PLPP4: variants seen among roughly 807,000 people sequenced by gnomAD.
PLPP4 encodes phospholipid phosphatase 4.
PLPP4 carries 20 observed loss-of-function variants against 32.2 expected under a neutral mutation model. The ratio of observed to expected loss-of-function variants is 0.62; its 90% CI spans 0.44 to 0.90. The LOEUF is 0.90. Among genes scored for constraint, PLPP4 ranks in the 40% least tolerant of loss-of-function variants. The probability of loss-of-function intolerance (pLI) is 0.00; values close to 1 mark genes in which losing one functional copy is unlikely to be tolerated. For missense variants in PLPP4, 257 were observed against 353.1 expected (o/e 0.73, Z 2.18); for synonymous variants, 127 against 133.0 (o/e 0.95, Z 0.31).
At chr10:120,491,599 TA>T (rs1221767783) in intron 1 of PLPP4, among the ~76,000 whole-genome samples, 1 of 152,244 alleles carries the variant, frequency 6.6e-6, no homozygotes, top group African/African-American at 2.4e-5. Context: ...CTTTAGTTGG[TA>T]AAACACCTAA....
At chr10:120,482,057 C>T (rs1006798716) in intron 1 of PLPP4, among the ~76,000 whole-genome samples, 17 of 152,296 alleles carry the variant, frequency 1.1e-4, no homozygotes, top group Admixed American at 5.9e-4. Context: ...GCCCATACAA[C>T]TTCTTTCTTT....
chr10:120,545,117 T>C lies in PLPP4; in HGVS notation c.445+24022T>C, dbSNP rs188959143. 1.4e-4 allele frequency among the ~76,000 whole-genome samples: 21 copies of C among 152,344 alleles called. No individual in the cohort carries two copies. In the East Asian group the frequency reaches 4.1e-3, roughly 29 times the overall value. On this transcript the variant is annotated intron_variant, in intron 5 of 6. Coordinates refer to ENST00000398250, the MANE Select transcript of PLPP4 (RefSeq NM_001030059.3). Reference sequence around the variant, plus strand: ...ATCTTTATAGGGCTGCCAGTTTGCCTGCATGGCACTGTGGCAGACACAAGG... The same window carrying C: ...ATCTTTATAGGGCTGCCAGTTTGCCCGCATGGCACTGTGGCAGACACAAGG...
chr10:120,561,559 T>C (rs1177052904), intron 5 of PLPP4, among the ~76,000 whole-genome samples: 1 of 152,208 alleles, frequency 6.6e-6, no homozygotes, highest in East Asian at 1.9e-4. Context: ...AATTTTATAA[T>C]AAGGTTTAAA....
chr10:120,474,812 A>G (rs1843822320), intron 1 of PLPP4, among the ~76,000 whole-genome samples: 1 of 152,234 alleles, frequency 6.6e-6, no homozygotes, highest in Non-Finnish European at 1.5e-5. Context: ...AGGCAGAGGC[A>G]TAGTTAAGGC....
rs537293809 is a variant in PLPP4 at position 120,479,606 on chromosome 10, G to A, written c.56+22245G>A. ...TGCCTGTCGGGATCATTGCTGTCCT[G>A]CACTGCCTTCCCACCATTCCCCAGG... On this transcript the variant is annotated intron_variant, in intron 1 of 6. Transcript: ENST00000398250. 5.1e-4 allele frequency among the ~76,000 whole-genome samples: 78 copies of A among 152,318 alleles called. 1 individual carries two copies. Among genetic ancestry groups the A allele is most frequent in the Non-Finnish European group, 9.6e-4 (65 of 68,042 alleles).
intron 1 of PLPP4, among the ~76,000 whole-genome samples, chr10:120,498,428 A>G (rs1348945846): frequency 1.3e-5 from 2 of 152,194 alleles, no homozygotes; most frequent in Non-Finnish European, 2.9e-5. Flanking sequence ...TTTCCTTTGA[A>G]ATGATTCATA....
chr10:120,569,590 G>A (rs1331483794), intron 5 of PLPP4, among the ~76,000 whole-genome samples: 3 of 152,132 alleles, frequency 2.0e-5, no homozygotes, highest in Admixed American at 1.3e-4. Flanking sequence ...AAACAAGACT[G>A]TGCAACCCTT....
intron 1 of PLPP4, among the ~76,000 whole-genome samples, chr10:120,476,578 C>A (rs1212036554): frequency 1.3e-5 from 2 of 152,258 alleles, no homozygotes; most frequent in Non-Finnish European, 2.9e-5. Flanking sequence ...GATACTTTGT[C>A]CCCAGCTTCC....
At chr10:120,536,025 A>C (rs1847000533) in intron 5 of PLPP4, among the ~76,000 whole-genome samples, 2 of 152,268 alleles carry the variant, frequency 1.3e-5, no homozygotes, top group African/African-American at 2.4e-5. Context: ...CATCTATAAA[A>C]TATTGATGAA....
chr10:120,492,283 G>T (rs187534282), intron 1 of PLPP4, among the ~76,000 whole-genome samples: 241 of 152,318 alleles, frequency 1.6e-3, no homozygotes, highest in Non-Finnish European at 3.0e-3. Flanking sequence ...CCAAAGGAAA[G>T]GCACCTTCTG....
chr10:120,538,700 G>A (rs144778731), intron 5 of PLPP4, among the ~76,000 whole-genome samples: 49 of 152,120 alleles, frequency 3.2e-4, no homozygotes, highest in African/African-American at 1.1e-3. Context: ...TTACATTCTA[G>A]CCACCCTGTC....
intron 5 of PLPP4, among the ~76,000 whole-genome samples, chr10:120,528,156 G>A (rs1026149655): frequency 7.7e-6 from 1 of 129,072 alleles, no homozygotes; most frequent in Non-Finnish European, 1.6e-5. Context: ...CTCACTGCAA[G>A]CTCCGCCTGC....
chr10:120,565,676 A>T (rs1313427635), intron 5 of PLPP4, among the ~76,000 whole-genome samples: 1 of 151,652 alleles, frequency 6.6e-6, no homozygotes, highest in Non-Finnish European at 1.5e-5. Context: ...CTTGTTTGGG[A>T]TTCATTGGGC....
At chr10:120,577,675 G>A (rs80003858) in intron 6 of PLPP4, among the ~76,000 whole-genome samples, 2,574 of 152,300 alleles carry the variant, frequency 0.017, 81 homozygotes, top group African/African-American at 0.059. Context: ...CAAAAACTGC[G>A]TCATGGTAGA....
intron 5 of PLPP4, among the ~76,000 whole-genome samples, chr10:120,548,292 A>G (rs1482991686): frequency 6.6e-6 from 1 of 152,018 alleles, no homozygotes; most frequent in Non-Finnish European, 1.5e-5. Context: ...ATATATACTC[A>G]GTGTTTGGCT....
intron 5 of PLPP4, among the ~76,000 whole-genome samples, chr10:120,523,098 C>T (rs752720011): frequency 6.6e-6 from 1 of 152,082 alleles, no homozygotes; most frequent in Non-Finnish European, 1.5e-5. Context: ...GAGATGAAGA[C>T]CATCCTGGCC....
chr10:120,480,180 C>T (rs908815349), intron 1 of PLPP4, among the ~76,000 whole-genome samples: 4 of 152,210 alleles, frequency 2.6e-5, no homozygotes, highest in Admixed American at 6.5e-5. Context: ...ACAGTTTTGA[C>T]GGTTGAGTAC....
intron 2 of PLPP4, among the ~76,000 whole-genome samples, chr10:120,512,700 C>T (rs1339039028): frequency 1.3e-5 from 2 of 152,192 alleles, no homozygotes; most frequent in Admixed American, 6.5e-5. Context: ...GTAGTCCCAG[C>T]TACTCAGGAG....
At chr10:120,563,777 G>A (rs937634749) in intron 5 of PLPP4, among the ~76,000 whole-genome samples, 5 of 110,178 alleles carry the variant, frequency 4.5e-5, no homozygotes, top group East Asian at 2.6e-4. Context: ...TCCGCAGTCC[G>A]GCCTGGGCGA....
Sources: gnomAD v4.1 joint callset for allele counts (sites outside exome capture counted in the v4.1 genomes callset) on GRCh38, gnomAD v4.1.1 for gene constraint, MANE v1.5 for transcripts, NCBI Gene and HGNC (gene_info 2026-07-23, HGNC 2026-07-21) for gene names.